TM4SF4: variants seen among roughly 807,000 people sequenced by gnomAD.
TM4SF4 encodes the protein transmembrane 4 L six family member 4, also known as transmembrane 4 L6 family member 4.
In TM4SF4, 24 loss-of-function variants were observed where a neutral mutation model predicts 24.1. The ratio of observed to expected loss-of-function variants is 1.00; its 90% CI spans 0.72 to 1.40. The LOEUF is 1.40. Among genes scored for constraint, TM4SF4 ranks in the 40% most tolerant of loss-of-function variants. TM4SF4 has a pLI of 0.00. For missense variants in TM4SF4, 254 were observed against 254.2 expected (o/e 1.00, Z 0.01); for synonymous variants, 113 against 97.0 (o/e 1.17, Z -0.97).
At chr3:149,486,764 G>A (rs1483723499) in intron 2 of TM4SF4, among the ~76,000 whole-genome samples, 1 of 152,156 alleles carries the variant, frequency 6.6e-6, no homozygotes, top group African/African-American at 2.4e-5. Context: ...GAGATGTCAA[G>A]GCAATCTTCA....
rs144273739 is a variant in TM4SF4, at chr3:149,492,821, G to T, written c.401+5066G>T. ...TTATTAGCAAAGAACATCATAAGCT[G>T]CTTGTAAACATATTCCCAAGAGCTG... On this transcript the variant is annotated intron_variant, in intron 3 of 4. Coordinates refer to ENST00000305354, the MANE Select transcript of TM4SF4 (RefSeq NM_004617.4). Among the ~76,000 whole-genome samples, 237 of 152,246 alleles carry T rather than the reference G, an allele frequency of 1.6e-3. 2 individuals are homozygous for T. The highest frequency in any genetic ancestry group is 3.0e-3 in the Non-Finnish European group (206 of 68,028).
At chr3:149,476,249 A>G (rs916087254) in intron 2 of TM4SF4, among the ~76,000 whole-genome samples, 2 of 152,224 alleles carry the variant, frequency 1.3e-5, no homozygotes, top group African/African-American at 2.4e-5. Context: ...AGAGGCCATA[A>G]GAACTTGGAC....
At position 149,478,888 on chromosome 3, in the gene TM4SF4, C is replaced by A. The variant is rs377633869; in HGVS notation, c.264+2976C>A. 7.2e-4 allele frequency among the ~76,000 whole-genome samples: 110 copies of A among 152,260 alleles called. No homozygotes were observed. The South Asian group carries it at 0.021, about 29-fold the overall frequency. ...AAGCAATTCTCCTGCCTTAGCCTCC[C>A]GAGTAGCTGGGATTACAAGTGCTTG... On this transcript the variant is annotated intron_variant, in intron 2 of 4. Transcript: ENST00000305354.
intron 2 of TM4SF4, among the ~76,000 whole-genome samples, chr3:149,482,230 G>A (rs1398685630): frequency 6.6e-6 from 1 of 152,178 alleles, no homozygotes; most frequent in Non-Finnish European, 1.5e-5. Flanking sequence ...AACTTCCCAA[G>A]ATCATGAGGG....
chr3:149,497,512 A>G (rs191652976), intron 3 of TM4SF4, among the ~76,000 whole-genome samples: 1 of 152,258 alleles, frequency 6.6e-6, no homozygotes, highest in Non-Finnish European at 1.5e-5. Flanking sequence ...CTCTGAAAGG[A>G]TGGAGGAAAC....
intron 2 of TM4SF4, among the ~76,000 whole-genome samples, chr3:149,483,981 A>G (rs1450440482): frequency 6.6e-6 from 1 of 152,048 alleles, no homozygotes; most frequent in East Asian, 1.9e-4. Context: ...AGGTTTTGCC[A>G]TGTTGCCCAG....
chr3:149,474,948 C>T lies in TM4SF4; in HGVS notation c.71C>T (p.Ala24Val). 1.9e-6 allele frequency: 3 copies of T among 1,613,932 alleles called. No homozygotes were observed. The highest frequency in any genetic ancestry group is 2.5e-6 in the Non-Finnish European group (3 of 1,179,890). The change falls in exon 1 of 5, where the codon GCT becomes GTT. Residue 24 changes from alanine to valine, a missense_variant. Coordinates refer to ENST00000305354, the MANE Select transcript of TM4SF4 (RefSeq NM_004617.4). The part of the protein sequence containing the change: ...LIPLAFFGFL[A>V]NILLFFPGGK... ...CCCCTTGCTTTTTTTGGCTTCCTGG[C>T]TAACATCCTGTTATTTTTTCCTGGA...
chr3:149,487,407 G>A (rs977022170), intron 2 of TM4SF4, among the ~76,000 whole-genome samples: 1 of 152,058 alleles, frequency 6.6e-6, no homozygotes, highest in African/African-American at 2.4e-5. Context: ...TCAATGAAAA[G>A]GTGAAAAAGA....
chr3:149,475,108 T>C, intron 1 of TM4SF4, 57 bp downstream of exon 1: 9 of 1,537,434 alleles, frequency 5.9e-6, no homozygotes, highest in Non-Finnish European at 7.0e-6. Flanking sequence ...CCACAATCCT[T>C]TTTAAATCAG....
At chr3:149,481,968 A>G (rs1734040950) in intron 2 of TM4SF4, among the ~76,000 whole-genome samples, 1 of 152,240 alleles carries the variant, frequency 6.6e-6, no homozygotes, top group Non-Finnish European at 1.5e-5. Context: ...ATACTATAAT[A>G]TAATAATGAC....
chr3:149,495,821 A>G (rs764119951), intron 3 of TM4SF4: 7 of 202,602 alleles, frequency 3.5e-5, no homozygotes, highest in Non-Finnish European at 6.1e-5. Context: ...GCCATCATCA[A>G]TGTGGTTCCT....
At chr3:149,480,889 A>C (rs4314111) in intron 2 of TM4SF4, among the ~76,000 whole-genome samples, 47,335 of 151,564 alleles carry the variant, frequency 0.31, 7,865 homozygotes, top group Non-Finnish European at 0.38. Context: ...AGAGTCTTGC[A>C]CTGTTGCCCG....
At chr3:149,496,174 A>AT (rs113494918) in intron 3 of TM4SF4, among the ~76,000 whole-genome samples, 14,567 of 148,354 alleles carry the variant, frequency 0.098, 1,143 homozygotes, top group East Asian at 0.43. Context: ...ACCATTTGGG[A>AT]TTTTTTTTTT....
chr3:149,501,155 G>A (rs1376015071), intron 4 of TM4SF4, among the ~76,000 whole-genome samples: 1 of 152,148 alleles, frequency 6.6e-6, no homozygotes, highest in Non-Finnish European at 1.5e-5. Context: ...TCAGCACGTT[G>A]GTTCCTTTTA....
chr3:149,502,645 T>C, intron 4 of TM4SF4, 31 bp from the exon 5 acceptor site: 3 of 1,573,284 alleles, frequency 1.9e-6, no homozygotes, highest in Non-Finnish European at 2.6e-6. Flanking sequence ...AATCATGACA[T>C]CATAGTTAAT....
chr3:149,486,677 A>G lies in TM4SF4; in HGVS notation c.265-942A>G, dbSNP rs148209988. On this transcript the variant is annotated intron_variant, in intron 2 of 4. Transcript: ENST00000305354. Reference sequence around the variant, plus strand: ...TGTTTTTCATTAATCTCCATCATAGAAAAATATTTAAAAGAATGGAATTTT... The same window carrying G: ...TGTTTTTCATTAATCTCCATCATAGGAAAATATTTAAAAGAATGGAATTTT... Among the ~76,000 whole-genome samples, 623 of 152,318 alleles carry G rather than the reference A, an allele frequency of 4.1e-3. 4 individuals carry two copies. The highest frequency in any genetic ancestry group is 0.01 in the African/African-American group (431 of 41,572).
At chr3:149,482,176 A>T (rs886318474) in intron 2 of TM4SF4, among the ~76,000 whole-genome samples, 9 of 151,598 alleles carry the variant, frequency 5.9e-5, no homozygotes, top group Non-Finnish European at 1.3e-4. Context: ...GGTACTTATT[A>T]ATGAGCCTTA....
Position 149,496,898 on chromosome 3 carries a change from G to C in TM4SF4, c.402-1824G>C, listed in dbSNP as rs72996062. Reference sequence around the variant, plus strand: ...AAAAAAAAAAACTGATGCTGGCTGGGCGTGGTGACTCACACCTGTAATCAC... The same window carrying C: ...AAAAAAAAAAACTGATGCTGGCTGGCCGTGGTGACTCACACCTGTAATCAC... On this transcript the variant is annotated intron_variant, in intron 3 of 4. Coordinates refer to ENST00000305354, the MANE Select transcript of TM4SF4 (RefSeq NM_004617.4). Among the ~76,000 whole-genome samples, 942 of 152,156 alleles carry C rather than the reference G, an allele frequency of 6.2e-3. 7 individuals carry two copies. The highest frequency in any genetic ancestry group is 0.021 in the African/African-American group (854 of 41,496).
intron 2 of TM4SF4, among the ~76,000 whole-genome samples, chr3:149,481,642 C>A (rs770680545): frequency 2.0e-5 from 3 of 152,166 alleles, no homozygotes; most frequent in Admixed American, 6.5e-5. Flanking sequence ...AACATAAGCA[C>A]CTACATGACC....
Sources: allele counts gnomAD v4.1 joint callset (sites outside exome capture counted in the v4.1 genomes callset), GRCh38; gene constraint gnomAD v4.1.1; transcripts MANE v1.5; gene names NCBI Gene and HGNC (gene_info 2026-07-23, HGNC 2026-07-21).